LIMK2: variants seen among roughly 807,000 people sequenced by gnomAD.
LIMK2 encodes the protein LIM domain kinase 2.
Under a neutral mutation model 75.7 loss-of-function variants are expected in LIMK2, and 35 were observed. That is an observed-to-expected ratio of 0.46 (90% CI 0.35 to 0.61). The LOEUF (loss-of-function observed/expected upper bound fraction) is 0.61. Among genes scored for constraint, LIMK2 ranks in the 20% least tolerant of loss-of-function variants. The pLI is 0.00. For synonymous variants in LIMK2, 301 were observed against 319.2 expected (o/e 0.94, Z 0.61); for missense variants, 623 against 831.0 (o/e 0.75, Z 3.08).
At chr22:31,237,903 G>A (rs1374228782) in intron 2 of LIMK2, among the ~76,000 whole-genome samples, 2 of 150,452 alleles carry the variant, frequency 1.3e-5, no homozygotes, top group South Asian at 2.1e-4. Flanking sequence ...TCAGGAGTTC[G>A]AGACTAGCCT....
chr22:31,276,968 C>T (rs1456642336), intron 15 of LIMK2: 1 of 1,613,940 alleles, frequency 6.2e-7, no homozygotes, highest in African/African-American at 1.3e-5. Context: ...GAGGAGATCT[C>T]AGAACTAGAG....
At chr22:31,231,409 G>A (rs779931660) in intron 2 of LIMK2, among the ~76,000 whole-genome samples, 4 of 152,208 alleles carry the variant, frequency 2.6e-5, no homozygotes, top group Non-Finnish European at 4.4e-5. Context: ...GATTCTGGCT[G>A]TGGCCTTCTC....
Position 31,259,938 on chromosome 22 carries a change from T to C in LIMK2, c.412T>C (p.Ser138Pro). 6.2e-7 allele frequency: 1 copy of C among 1,610,474 alleles called. No homozygotes were observed. Among genetic ancestry groups the C allele is most frequent in the Non-Finnish European group, 8.5e-7 (1 of 1,179,114 alleles). ...VVLAPMFERL[S>P]TESVQEQLPY... ...GCTGGCACCCATGTTTGAGAGACTC[T>C]CCACAGAGTCTGTTCAGGAGCAGCT... Residue 138 changes from serine to proline, a missense_variant, in exon 5 of 16, where the codon TCC becomes CCC. Physicochemically the swap from Ser to Pro is moderately conservative, Grantham distance 74. Around this residue, in one of 3 missense-constraint regions of LIMK2, gnomAD observed 514 missense variants for 661.3 expected, o/e 0.78. Coordinates refer to ENST00000331728, the MANE Select transcript of LIMK2 (RefSeq NM_005569.4).
In LIMK2 at chr22:31,279,277, G is replaced by A. The variant is rs2049062861; in HGVS notation, c.*836G>A. The A allele has an allele frequency of 6.6e-6, 1 of 152,292 alleles. No homozygotes were observed. The highest frequency in any genetic ancestry group is 2.4e-5 in the African/African-American group (1 of 41,468). 9.4% of individuals were successfully genotyped at this position (152,292 alleles called of 1,614,324 possible). Reference sequence around the variant, plus strand: ...CTTGGCTTCTGTTACTCATACTCGGGTGGGCTCCTTAGTCAGATGCCTAAA... The same window carrying A: ...CTTGGCTTCTGTTACTCATACTCGGATGGGCTCCTTAGTCAGATGCCTAAA... On this transcript the variant is annotated 3_prime_UTR_variant, in exon 16 of 16. Transcript: ENST00000331728.
chr22:31,266,645 C>A (rs1268912559), intron 8 of LIMK2, among the ~76,000 whole-genome samples: 1 of 152,176 alleles, frequency 6.6e-6, no homozygotes, highest in African/African-American at 2.4e-5. Context: ...ACTGACCTTC[C>A]TGCCCCCAGA....
chr22:31,270,502 T>G (rs1389302671), intron 11 of LIMK2, among the ~76,000 whole-genome samples: 1 of 152,180 alleles, frequency 6.6e-6, no homozygotes, highest in Non-Finnish European at 1.5e-5. Flanking sequence ...GAGTGGCTCC[T>G]TCTACATTTG....
Position 31,260,106 on chromosome 22 carries a change from G to T in LIMK2, c.551+29G>T. The T allele has an allele frequency of 2.0e-6, 3 of 1,520,938 alleles. No individual in the cohort carries two copies. The African/African-American group carries it at 4.2e-5, about 21-fold the overall frequency. 94.2% of individuals were successfully genotyped at this position (1,520,938 alleles called of 1,614,324 possible). On this transcript the variant is annotated intron_variant, in intron 5 of 15. Transcript: ENST00000331728. ...AGTATTTTGAGAACCCTTCAGCAGG[G>T]GTTCTTGAGCAGAGTCTGTAAATGG...
chr22:31,238,837 C>T (rs185832374), intron 2 of LIMK2, among the ~76,000 whole-genome samples: 1 of 152,122 alleles, frequency 6.6e-6, no homozygotes, highest in Admixed American at 6.5e-5. Context: ...CCCTGCCAGA[C>T]GAGGGCTTTT....
At chr22:31,260,747 C>T (rs1200139087) in intron 5 of LIMK2, among the ~76,000 whole-genome samples, 4 of 152,178 alleles carry the variant, frequency 2.6e-5, no homozygotes, top group African/African-American at 9.7e-5. Flanking sequence ...AAGGTCTGTT[C>T]TACAACCTTA....
chr22:31,216,085 A>T (rs537495408), intron 1 of LIMK2, among the ~76,000 whole-genome samples: 2 of 152,192 alleles, frequency 1.3e-5, no homozygotes, highest in African/African-American at 2.4e-5. Flanking sequence ...CATTGAAGAG[A>T]AGTGAAGTAG....
intron 2 of LIMK2, among the ~76,000 whole-genome samples, chr22:31,252,926 A>C (rs1377326491): frequency 1.3e-5 from 2 of 152,252 alleles, no homozygotes; most frequent in Non-Finnish European, 2.9e-5. Flanking sequence ...AGGTCTTGAA[A>C]GAGAAAATCT....
chr22:31,257,131 A>T (rs2048792335), intron 2 of LIMK2, among the ~76,000 whole-genome samples: 1 of 141,738 alleles, frequency 7.1e-6, no homozygotes, highest in African/African-American at 2.6e-5. Flanking sequence ...GGCTCAAGTG[A>T]TCCTCCCACC....
intron 2 of LIMK2, among the ~76,000 whole-genome samples, chr22:31,256,429 C>G: frequency 6.7e-6 from 1 of 149,330 alleles, no homozygotes; most frequent in Non-Finnish European, 1.5e-5. Context: ...CAACCTCCAC[C>G]TCCTGGGTTC....
intron 2 of LIMK2, among the ~76,000 whole-genome samples, chr22:31,256,052 G>A (rs2048777188): frequency 8.0e-6 from 1 of 124,868 alleles, no homozygotes; most frequent in Admixed American, 1.0e-4. Flanking sequence ...AGGCTGGAGT[G>A]CAGTGGTGCA....
intron 14 of LIMK2, among the ~76,000 whole-genome samples, chr22:31,273,982 A>C (rs1396618071): frequency 4.0e-5 from 6 of 148,198 alleles, no homozygotes; most frequent in African/African-American, 1.5e-4. Context: ...AATAGGCGTG[A>C]GCTACCTCGC....
In LIMK2 at chr22:31,250,281, G is replaced by T. The variant is rs558750234; in HGVS notation, c.117-8010G>T. On this transcript the variant is annotated intron_variant, in intron 2 of 15. Transcript: ENST00000331728. ...ATTAATTTCTCTTAATCCTGGGAAGGCAGCTTAGGAGAAGGGTTGTTCCTT... is the reference window on the plus strand; with the variant it reads ...ATTAATTTCTCTTAATCCTGGGAAGTCAGCTTAGGAGAAGGGTTGTTCCTT... Among the ~76,000 whole-genome samples, 88 of 152,296 alleles carry T rather than the reference G, an allele frequency of 5.8e-4. No individual in the cohort carries two copies. The South Asian group carries it at 8.1e-3, about 14-fold the overall frequency.
Position 31,267,055 on chromosome 22 carries a change from A to G in LIMK2, c.1113A>G (p.Lys371=). 1 of 1,605,746 alleles carries G rather than the reference A, an allele frequency of 6.2e-7. No homozygotes were observed. The highest frequency in any genetic ancestry group is 1.1e-5 in the South Asian group (1 of 89,858). ...TTCGATGTGATGAGGAGACCCAGAA[A>G]ACTTTTCTGACTGAGGTAAGAAGAT... The part of the protein sequence containing the change: ...ELIRCDEETQ[K]TFLTEVKVMR... Residue 371 remains lysine (K), a synonymous_variant, in exon 9 of 16, where the codon AAA becomes AAG. Coordinates refer to ENST00000331728, the MANE Select transcript of LIMK2 (RefSeq NM_005569.4).
chr22:31,267,165 T>G (rs910582699), intron 9 of LIMK2, 95 bp downstream of exon 9: 1 of 713,274 alleles, frequency 1.4e-6, no homozygotes, highest in South Asian at 1.6e-5. Flanking sequence ...CAGTTTGGAA[T>G]TACTGTCTTA....
At chr22:31,255,310 A>C (rs565323709) in intron 2 of LIMK2, among the ~76,000 whole-genome samples, 2 of 152,304 alleles carry the variant, frequency 1.3e-5, no homozygotes, top group South Asian at 4.1e-4. Context: ...TGTGAGCCAC[A>C]TACCAAGAAC....
Sources: gnomAD v4.1 joint callset for allele counts (sites outside exome capture counted in the v4.1 genomes callset) on GRCh38, gnomAD v4.1.1 for gene constraint, gnomAD v4.1.1 regional missense constraint, MANE v1.5 for transcripts, NCBI Gene and HGNC (gene_info 2026-07-23, HGNC 2026-07-21) for gene names.